PIGN: variants seen among roughly 807,000 people sequenced by gnomAD.
PIGN encodes the protein phosphatidylinositol glycan anchor biosynthesis class N.
A neutral mutation model predicts 125.4 loss-of-function variants in PIGN; 117 were observed. The observed-to-expected ratio is 0.93, with a 90% CI of 0.80 to 1.09. The LOEUF is 1.09. Among genes scored for constraint, PIGN ranks in the 50% least tolerant of loss-of-function variants. The pLI, the probability that PIGN is intolerant of heterozygous loss-of-function variation, is 0.00. For missense variants in PIGN, 1,075 were observed against 1,094.9 expected (o/e 0.98, Z 0.26); for synonymous variants, 392 against 377.8 (o/e 1.04, Z -0.44).
At chr18:62,088,296 A>G (rs2033801945) in intron 25 of PIGN, 2 of 152,396 alleles carry the variant, frequency 1.3e-5, no homozygotes, top group African/African-American at 4.8e-5. Flanking sequence ...ACTACTAACA[A>G]CTTTCACAAC....
chr18:62,180,304 T>C (rs1253794602), intron 1 of PIGN, among the ~76,000 whole-genome samples: 1 of 152,192 alleles, frequency 6.6e-6, no homozygotes, highest in East Asian at 1.9e-4. Context: ...GCATCAATAT[T>C]CTTGCATGTA....
chr18:62,163,463 G>C (rs769045060), intron 2 of PIGN, 68 bp downstream of exon 2: 1 of 152,068 alleles, frequency 6.6e-6, no homozygotes, highest in African/African-American at 2.4e-5. Context: ...ATTTTGTTGG[G>C]TCAACTACTT....
At chr18:62,132,919 T>G (rs1415854905) in intron 14 of PIGN, among the ~76,000 whole-genome samples, 1 of 152,158 alleles carries the variant, frequency 6.6e-6, no homozygotes, top group Non-Finnish European at 1.5e-5. Context: ...AAACACTACC[T>G]TCAGTCAAAA....
intron 22 of PIGN, among the ~76,000 whole-genome samples, chr18:62,099,845 A>G (rs1452214141): frequency 1.3e-5 from 2 of 152,188 alleles, no homozygotes; most frequent in Admixed American, 1.3e-4. Flanking sequence ...TAAATGTAAG[A>G]CCTGAAACCA....
intron 23 of PIGN, among the ~76,000 whole-genome samples, chr18:62,019,502 T>C (rs1303726468): frequency 6.6e-6 from 1 of 152,244 alleles, no homozygotes; most frequent in East Asian, 1.9e-4. Context: ...TTAGTTTTGC[T>C]AGTTAGCTGA....
At chr18:62,138,025 C>A in intron 14 of PIGN, 1 of 568,474 alleles carries the variant, frequency 1.8e-6, no homozygotes, top group South Asian at 2.4e-5. Flanking sequence ...TCATGTATCT[C>A]TCCATTCCCT....
chr18:62,131,727 T>C (rs1275182851), intron 14 of PIGN, among the ~76,000 whole-genome samples: 1 of 152,182 alleles, frequency 6.6e-6, no homozygotes, highest in Non-Finnish European at 1.5e-5. Flanking sequence ...AAGCCTAAGA[T>C]AAAGAATCTT....
At chr18:62,086,696 T>C (rs1205560331) in intron 25 of PIGN, among the ~76,000 whole-genome samples, 1 of 151,794 alleles carries the variant, frequency 6.6e-6, no homozygotes, top group Non-Finnish European at 1.5e-5. Flanking sequence ...GCTAGTGTTA[T>C]AATCAAGAAA....
At chr18:62,048,544 T>C (rs1267592563) in intron 30 of PIGN, among the ~76,000 whole-genome samples, 1 of 151,894 alleles carries the variant, frequency 6.6e-6, no homozygotes, top group Non-Finnish European at 1.5e-5. Flanking sequence ...TTTTCAAGTG[T>C]TGAAAGAAAA....
At chr18:62,089,244 A>C (rs1599491062) in intron 24 of PIGN, among the ~76,000 whole-genome samples, 1 of 152,090 alleles carries the variant, frequency 6.6e-6, no homozygotes, top group Non-Finnish European at 1.5e-5. Context: ...GGTAAAATTA[A>C]ATGTTTGTTT....
intron 30 of PIGN, among the ~76,000 whole-genome samples, chr18:62,065,199 A>G (rs9955205): frequency 0.36 from 54,843 of 150,568 alleles, 10,974 homozygotes; most frequent in East Asian, 0.7. Flanking sequence ...TCTCTTTCCT[A>G]TCTCCCCTCC....
chr18:62,096,527 T>TTC (rs2034202798), intron 22 of PIGN, among the ~76,000 whole-genome samples: 1 of 137,858 alleles, frequency 7.3e-6, no homozygotes, highest in Non-Finnish European at 1.6e-5. Flanking sequence ...TTTTTTTTTT[T>TTC]TTTTTTTTTT....
chr18:62,096,101 C>A (rs921923527), intron 22 of PIGN, among the ~76,000 whole-genome samples, 151 bp from the exon 23 acceptor site: 7 of 152,090 alleles, frequency 4.6e-5, no homozygotes, highest in East Asian at 1.9e-4. Context: ...TCGAGACCAG[C>A]CTTGCCAACA....
chr18:62,184,468 A>G (rs2037825785), intron 1 of PIGN: 2 of 152,216 alleles, frequency 1.3e-5, no homozygotes, highest in African/African-American at 4.8e-5. Flanking sequence ...TTACTTATAC[A>G]TTATTCACGA....
rs2036658586 is a variant in PIGN, at chr18:62,154,668, G to C, written c.443-17C>G. 9.0e-7 allele frequency: 1 copy of C among 1,106,188 alleles called. No homozygotes were observed. Among genetic ancestry groups the C allele is most frequent in the Non-Finnish European group, 1.4e-6 (1 of 733,002 alleles). The allele number at this position is 1,106,188 out of a possible 1,614,324, so 68.5% of individuals were successfully genotyped here. ...CACTAGCACCTGAAAAGAAAATTTGGAAAAAATAATCTTTTTACAAAATCT... is the reference window on the plus strand; with the variant it reads ...CACTAGCACCTGAAAAGAAAATTTGCAAAAAATAATCTTTTTACAAAATCT... On this transcript the variant is annotated splice_polypyrimidine_tract_variant and intron_variant, in intron 6 of 30. Coordinates refer to ENST00000640252, the MANE Select transcript of PIGN (RefSeq NM_176787.5).
intron 14 of PIGN, among the ~76,000 whole-genome samples, chr18:62,129,407 GC>G (rs1367112403): frequency 6.6e-6 from 1 of 152,160 alleles, no homozygotes. Flanking sequence ...CCTCAGAAGT[GC>G]GTTGAGCTGA....
intron 11 of PIGN, among the ~76,000 whole-genome samples, chr18:62,141,909 G>A (rs2036150663): frequency 6.6e-6 from 1 of 152,124 alleles, no homozygotes; most frequent in Non-Finnish European, 1.5e-5. Context: ...CCAGAACTTA[G>A]TGTACACATT....
chr18:62,173,610 CAA>C (rs2037413942), intron 1 of PIGN, among the ~76,000 whole-genome samples: 1 of 152,110 alleles, frequency 6.6e-6, no homozygotes, highest in Admixed American at 6.6e-5. Context: ...TAAAATTACC[CAA>C]ACTTTGTATT....
intron 11 of PIGN, among the ~76,000 whole-genome samples, chr18:62,140,892 A>G (rs996584447): frequency 3.3e-5 from 5 of 152,222 alleles, no homozygotes; most frequent in African/African-American, 9.6e-5. Flanking sequence ...AGGTTTGACC[A>G]GCCAGTGATG....
Sources: gnomAD v4.1 joint callset for allele counts (sites outside exome capture counted in the v4.1 genomes callset) on GRCh38, gnomAD v4.1.1 for gene constraint, MANE v1.5 for transcripts, NCBI Gene and HGNC (gene_info 2026-07-23, HGNC 2026-07-21) for gene names.